Variants in SCFD1 observed in about 807,000 individuals in gnomAD.
The protein encoded by SCFD1 is sec1 family domain containing 1.
Under a neutral mutation model 103.2 loss-of-function variants are expected in SCFD1, and 37 were observed. The observed-to-expected ratio is 0.36, with a 90% CI of 0.28 to 0.47. The LOEUF (loss-of-function observed/expected upper bound fraction) is 0.47, where lower values mean the gene tolerates loss of function less well. Ranked by LOEUF, SCFD1 falls within the 20% of genes least tolerant of loss-of-function variation. The pLI, the probability that SCFD1 is intolerant of heterozygous loss-of-function variation, is 1.00. For synonymous variants in SCFD1, 264 were observed against 245.0 expected, an observed-to-expected ratio of 1.08 and a Z score of -0.73; for missense variants, 639 against 761.2, an observed-to-expected ratio of 0.84 and a Z score of 1.89.
chr14:30,707,919 A>G, intron 18 of SCFD1, 71 bp from the exon 19 acceptor site: 1 of 1,021,364 alleles, frequency 9.8e-7, no homozygotes, highest in Non-Finnish European at 1.6e-6. Flanking sequence ...AATCAGGTAA[A>G]TATTTTATCG....
chr14:30,696,479 T>G (rs557769682), intron 15 of SCFD1, among the ~76,000 whole-genome samples: 1 of 152,274 alleles, frequency 6.6e-6, no homozygotes, highest in South Asian at 2.1e-4. Context: ...CTAAAGATAT[T>G]TAAGTAGGAT....
At chr14:30,678,275 T>G (rs938495119) in intron 14 of SCFD1, among the ~76,000 whole-genome samples, 4 of 152,234 alleles carry the variant, frequency 2.6e-5, no homozygotes, top group Non-Finnish European at 5.9e-5. Context: ...TCAGTCGTTT[T>G]CTAAAGAAGA....
At chr14:30,624,355 T>C (rs1883168272) in intron 1 of SCFD1, among the ~76,000 whole-genome samples, 1 of 152,208 alleles carries the variant, frequency 6.6e-6, no homozygotes, top group Non-Finnish European at 1.5e-5. Context: ...TTCAGTATTA[T>C]CTGTATGTTG....
chr14:30,705,826 T>TTTTA lies in SCFD1; in HGVS notation c.1495_1498dup (p.Thr500IlefsTer17). The TTTTA allele has an allele frequency of 6.2e-7, 1 of 1,613,360 alleles. No homozygotes were observed. Among genetic ancestry groups the TTTTA allele is most frequent in the Non-Finnish European group, 8.5e-7 (1 of 1,179,428 alleles). ...GTACAACTTCCTTCTTTCATAGGGC[T>TTTTA]TTTACCAAGATGGCCTCAGCTCCGG... On this transcript the variant is annotated frameshift_variant, in exon 18 of 25. Coordinates refer to ENST00000458591, the MANE Select transcript of SCFD1 (RefSeq NM_016106.4). LOFTEE classifies it high-confidence loss of function.
At chr14:30,697,103 C>G (rs545754358) in intron 15 of SCFD1, among the ~76,000 whole-genome samples, 2 of 152,268 alleles carry the variant, frequency 1.3e-5, no homozygotes, top group Non-Finnish European at 2.9e-5. Flanking sequence ...TTCCGTAACT[C>G]TGCCAACTGA....
At chr14:30,654,512 G>A (rs181270224) in intron 10 of SCFD1, among the ~76,000 whole-genome samples, 233 of 152,170 alleles carry the variant, frequency 1.5e-3, no homozygotes, top group African/African-American at 5.3e-3. Context: ...TGTCTCTATT[G>A]AAAATACAAA....
chr14:30,622,465 G>T, intron 1 of SCFD1, 66 bp downstream of exon 1: 4 of 1,539,876 alleles, frequency 2.6e-6, no homozygotes, highest in Non-Finnish European at 3.5e-6. Flanking sequence ...CTCCTCTGGT[G>T]CGTGCAGCTC....
chr14:30,639,483 T>A (rs902222652), intron 5 of SCFD1, among the ~76,000 whole-genome samples: 5 of 152,218 alleles, frequency 3.3e-5, no homozygotes, highest in African/African-American at 1.2e-4. Flanking sequence ...AAAATTGATA[T>A]CCATTCCCAT....
chr14:30,654,634 A>T (rs1288133174), intron 10 of SCFD1, among the ~76,000 whole-genome samples: 7 of 151,644 alleles, frequency 4.6e-5, no homozygotes, highest in Admixed American at 3.9e-4. Context: ...AGATTGTGCC[A>T]CTGCACTCCA....
At position 30,700,058 on chromosome 14, in the gene SCFD1, G is replaced by A. The variant is rs112445969; in HGVS notation, c.1340-130G>A. 2.9e-3 allele frequency: 1,860 copies of A among 648,504 alleles called. 28 individuals are homozygous for A. The African/African-American group carries it at 0.03, about 10-fold the overall frequency. The allele number at this position is 648,504 out of a possible 1,614,324, so 40.2% of individuals were successfully genotyped here. A position where few individuals can be genotyped will look rare whatever the true frequency, so the allele number is the denominator to read the frequency against. On this transcript the variant is annotated intron_variant, in intron 15 of 24. Coordinates refer to ENST00000458591, the MANE Select transcript of SCFD1 (RefSeq NM_016106.4). Reference sequence around the variant, plus strand: ...TTATAATTATATGCCTGTTACCTTAGTTAAATCAAGAGCCATGTTTTGTTT... The same window carrying A: ...TTATAATTATATGCCTGTTACCTTAATTAAATCAAGAGCCATGTTTTGTTT...
chr14:30,658,134 G>A (rs548087009), intron 10 of SCFD1: 1 of 453,832 alleles, frequency 2.2e-6, no homozygotes, highest in African/African-American at 2.0e-5. Flanking sequence ...CAGTCAAAGG[G>A]ATGGACATTA....
chr14:30,696,425 A>T (rs556204927), intron 15 of SCFD1, among the ~76,000 whole-genome samples: 3 of 152,332 alleles, frequency 2.0e-5, no homozygotes, highest in African/African-American at 7.2e-5. Flanking sequence ...CAGAAAGGCA[A>T]TCAGTCCTGC....
chr14:30,725,944 A>G (rs372824406), intron 23 of SCFD1, among the ~76,000 whole-genome samples: 2 of 152,322 alleles, frequency 1.3e-5, no homozygotes, highest in South Asian at 2.1e-4. Context: ...ACAGGACTAT[A>G]TTCATCACTA....
chr14:30,683,847 C>T (rs573851245), intron 14 of SCFD1, among the ~76,000 whole-genome samples: 44 of 152,234 alleles, frequency 2.9e-4, no homozygotes, highest in African/African-American at 1.1e-3. Flanking sequence ...TCTTTATTCC[C>T]TTCTTGTCTT....
chr14:30,675,203 A>G (rs1297224501), intron 14 of SCFD1, 138 bp downstream of exon 14: 1 of 454,186 alleles, frequency 2.2e-6, no homozygotes, highest in Non-Finnish European at 4.0e-6. Context: ...CAGCAGTATT[A>G]TAGTTATTTT....
intron 4 of SCFD1, among the ~76,000 whole-genome samples, chr14:30,637,815 T>C (rs1884883304): frequency 6.6e-6 from 1 of 152,120 alleles, no homozygotes; most frequent in Admixed American, 6.5e-5. Flanking sequence ...CATTTTACTA[T>C]ATTAGTGGAC....
rs1489188142 is a variant in SCFD1 at position 30,622,417 on chromosome 14, TCTC to T, written c.61+21_61+23del. ...GCAGACAGGTACTGACTTATTCTCTTCTCCTTGAAGCTTCGTGACTGCCCCGAC... is the reference window on the plus strand; with the variant it reads ...GCAGACAGGTACTGACTTATTCTCTTCTTGAAGCTTCGTGACTGCCCCGAC... On this transcript the variant is annotated intron_variant, in intron 1 of 24. Coordinates refer to ENST00000458591, the MANE Select transcript of SCFD1 (RefSeq NM_016106.4). 1.1e-4 allele frequency: 174 copies of T among 1,551,212 alleles called. 2 individuals are homozygous for T. The highest frequency in any genetic ancestry group is 1.5e-4 in the Non-Finnish European group (168 of 1,146,748).
chr14:30,730,776 A>G (rs903720088), intron 23 of SCFD1, among the ~76,000 whole-genome samples: 1 of 152,162 alleles, frequency 6.6e-6, no homozygotes. Flanking sequence ...GTAGATTGCA[A>G]AAATTTTCTC....
At chr14:30,718,061 CT>C (rs1462569741) in intron 20 of SCFD1, among the ~76,000 whole-genome samples, 1 of 152,086 alleles carries the variant, frequency 6.6e-6, no homozygotes, top group Non-Finnish European at 1.5e-5. Context: ...AAGATTTTAA[CT>C]AAAGGCCAAG....
Sources: gnomAD v4.1 joint callset for allele counts (sites outside exome capture counted in the v4.1 genomes callset) on GRCh38, gnomAD v4.1.1 for gene constraint, MANE v1.5 for transcripts, NCBI Gene and HGNC (gene_info 2026-07-23, HGNC 2026-07-21) for gene names.